The following MAP2K5 variants were observed in gnomAD, a reference collection of about 807,000 sequenced individuals.
The protein encoded by MAP2K5 is mitogen-activated protein kinase kinase 5.
In MAP2K5, 49 loss-of-function variants were observed where a neutral mutation model predicts 83.1. The observed-to-expected ratio is 0.59, with a 90% CI of 0.47 to 0.75. The LOEUF (loss-of-function observed/expected upper bound fraction) is 0.75, where lower values mean the gene tolerates loss of function less well. MAP2K5 is among the 30% of genes least tolerant of loss of function. The probability of loss-of-function intolerance (pLI) is 0.00; values close to 1 mark genes in which losing one functional copy is unlikely to be tolerated. For synonymous variants in MAP2K5, 202 were observed against 191.8 expected (o/e 1.05, Z -0.44); for missense variants, 457 against 557.5 (o/e 0.82, Z 1.82).
In MAP2K5 at chr15:67,630,817, A is replaced by G. The variant is rs2086454770; in HGVS notation, c.546-71A>G. ...CTGCTGCAGAAATGTTTGGATTTAC[A>G]TTTATGTCCTTAACCATTTTGTAGG... On this transcript the variant is annotated intron_variant, in intron 8 of 21. Transcript: ENST00000178640. 3 of 1,108,858 alleles carry G rather than the reference A, an allele frequency of 2.7e-6. No individual in the cohort carries two copies. In the East Asian group the frequency reaches 7.1e-5, roughly 26 times the overall value. The allele number at this position is 1,108,858 out of a possible 1,614,324, so 68.7% of individuals were successfully genotyped here. A position where few individuals can be genotyped will look rare whatever the true frequency, so the allele number is the denominator to read the frequency against.
rs964903803 is a variant in MAP2K5, at chr15:67,713,823, G to T, written c.1044+10415G>T. On this transcript the variant is annotated intron_variant, in intron 16 of 21. Transcript: ENST00000178640. ...AATTTGATGGCGAGTTTGTCATTTT[G>T]TCATTTTCTTTCCAATATCATTTTT... Among the ~76,000 whole-genome samples, 11 of 151,848 alleles carry T rather than the reference G, an allele frequency of 7.2e-5. No homozygotes were observed. The East Asian group carries it at 1.4e-3, about 19-fold the overall frequency.
Position 67,552,102 on chromosome 15 carries a change from T to A in MAP2K5, c.184+2020T>A, listed in dbSNP as rs1352571489. Reference sequence around the variant, plus strand: ...GGGGCGGGAGGGGGTGGATGAATGATCACACTTTTTACTTTGTATGTTTCT... The same window carrying A: ...GGGGCGGGAGGGGGTGGATGAATGAACACACTTTTTACTTTGTATGTTTCT... On this transcript the variant is annotated intron_variant, in intron 2 of 21. Transcript: ENST00000178640. This position sits in a 1 kb window ranked among gnomAD's most constrained non-coding sequence, Gnocchi z 4.2. Among the ~76,000 whole-genome samples the A allele has an allele frequency of 6.6e-6, 1 of 152,178 alleles. No individual in the cohort carries two copies. Among genetic ancestry groups the A allele is most frequent in the Non-Finnish European group, 1.5e-5 (1 of 68,030 alleles).
rs533576681 is a variant in MAP2K5, at chr15:67,805,471, C to T, written c.1243-1175C>T. On this transcript the variant is annotated intron_variant, in intron 21 of 21. Transcript: ENST00000178640. ...GTGATGAGCTCGTGGCGAGGCCATGCGGCTCTTTAAGCAGCCTCTCTAGGG... is the reference window on the plus strand; with the variant it reads ...GTGATGAGCTCGTGGCGAGGCCATGTGGCTCTTTAAGCAGCCTCTCTAGGG... Among the ~76,000 whole-genome samples the T allele has an allele frequency of 3.4e-3, 517 of 152,324 alleles. 4 individuals are homozygous for T. The highest frequency in any genetic ancestry group is 0.012 in the African/African-American group (493 of 41,568).
rs62015212 is a variant in MAP2K5 at position 67,770,720 on chromosome 15, G to A, written c.1196+1057G>A. Among the ~76,000 whole-genome samples, 14,396 of 152,078 alleles carry A rather than the reference G, an allele frequency of 0.095. 795 individuals are homozygous for A. Among genetic ancestry groups the A allele is most frequent in the Admixed American group, 0.11 (1,632 of 15,282 alleles). ...CTTCCCCTCCCACTATGATCTGTCCGATGATTATGCTAAAGGGAAACCAAG... is the reference window on the plus strand; with the variant it reads ...CTTCCCCTCCCACTATGATCTGTCCAATGATTATGCTAAAGGGAAACCAAG... On this transcript the variant is annotated intron_variant, in intron 20 of 21. Transcript: ENST00000178640. This position sits in a 1 kb window ranked among gnomAD's most constrained non-coding sequence, Gnocchi z 5.0.
chr15:67,785,502 C>T lies in MAP2K5; in HGVS notation c.1242+12750C>T, dbSNP rs955840110. On this transcript the variant is annotated intron_variant, in intron 21 of 21. Transcript: ENST00000178640. The surrounding 1 kb of genome is among the most constrained non-coding windows in gnomAD (Gnocchi z 4.4). ...CTATCAGACACTAATCCAGCAAACA[C>T]AAATCCATCATACATGCAAACAAAG... Among the ~76,000 whole-genome samples, 1 of 152,276 alleles carries T rather than the reference C, an allele frequency of 6.6e-6. No individual in the cohort carries two copies. Among genetic ancestry groups the T allele is most frequent in the East Asian group, 1.9e-4 (1 of 5,180 alleles).
At position 67,640,572 on chromosome 15, in the gene MAP2K5, G is replaced by T; in HGVS notation, c.586-5659G>T. On this transcript the variant is annotated intron_variant, in intron 9 of 21. Coordinates refer to ENST00000178640, the MANE Select transcript of MAP2K5 (RefSeq NM_145160.3). This position sits in a 1 kb window ranked among gnomAD's most constrained non-coding sequence, Gnocchi z 4.6. ...TTGTCCAAACTGAATCACCTGCAGG[G>T]TCTGACGCCTGCATGGAATGATGAG... 2.0e-6 allele frequency: 2 copies of T among 985,118 alleles called. No individual in the cohort carries two copies. The highest frequency in any genetic ancestry group is 2.4e-6 in the Non-Finnish European group (2 of 829,720). The allele number at this position is 985,118 out of a possible 1,614,324, so 61.0% of individuals were successfully genotyped here.
At chr15:67,608,820 T>C (rs1464120014) in intron 8 of MAP2K5, among the ~76,000 whole-genome samples, 1 of 152,188 alleles carries the variant, frequency 6.6e-6, no homozygotes, top group Non-Finnish European at 1.5e-5. Flanking sequence ...GAGTGATTAA[T>C]GTACTCTTTC....
intron 13 of MAP2K5, among the ~76,000 whole-genome samples, chr15:67,685,379 TAAAG>T (rs1415152072): frequency 6.6e-6 from 1 of 152,042 alleles, no homozygotes; most frequent in Non-Finnish European, 1.5e-5. Flanking sequence ...AACAGCTAAA[TAAAG>T]ACTTTTTCAG....
At chr15:67,672,171 T>TG (rs1470348129) in intron 13 of MAP2K5, among the ~76,000 whole-genome samples, 1 of 151,502 alleles carries the variant, frequency 6.6e-6, no homozygotes, top group South Asian at 2.1e-4. Flanking sequence ...CCTTTGGGTA[T>TG]ATACCCAGTA....
intron 21 of MAP2K5, among the ~76,000 whole-genome samples, chr15:67,800,193 A>T (rs960778918): frequency 6.6e-6 from 1 of 152,256 alleles, no homozygotes; most frequent in Admixed American, 6.5e-5. Flanking sequence ...TAAATTATTT[A>T]ACGTCTCTAA....
chr15:67,598,827 A>G (rs147498513), intron 7 of MAP2K5, among the ~76,000 whole-genome samples: 1 of 152,294 alleles, frequency 6.6e-6, no homozygotes, highest in Non-Finnish European at 1.5e-5. Context: ...TAGTGCCACA[A>G]ATGCAGAATT....
At position 67,806,688 on chromosome 15, in the gene MAP2K5, G is replaced by A. The variant is rs900952057; in HGVS notation, c.1285G>A (p.Val429Met). ...GCAGTTCAATGATGGAAATGCCGCCGTGGTGTCCATGTGGGTGTGCCGGGC... is the reference window on the plus strand; with the variant it reads ...GCAGTTCAATGATGGAAATGCCGCCATGGTGTCCATGTGGGTGTGCCGGGC... ...IVQFNDGNAA[V>M]VSMWVCRALE... The change falls in exon 22 of 22, where the codon GTG (valine) becomes ATG (methionine). Residue 429 changes from valine to methionine, a missense_variant. By Grantham distance (21) the Val-to-Met change is conservative (BLOSUM62 1). Transcript: ENST00000178640. 6.4e-7 allele frequency: 1 copy of A among 1,551,736 alleles called. No individual in the cohort carries two copies. Among genetic ancestry groups the A allele is most frequent in the Non-Finnish European group, 8.7e-7 (1 of 1,147,464 alleles).
intron 11 of MAP2K5, among the ~76,000 whole-genome samples, chr15:67,647,560 A>G (rs1385518854): frequency 2.1e-4 from 31 of 150,520 alleles, no homozygotes; most frequent in Admixed American, 2.0e-3. Context: ...CAGCATAAGC[A>G]ATATAGTGAG....
chr15:67,806,607 C>G (rs1204354476), intron 21 of MAP2K5, 39 bp from the exon 22 acceptor site: 1 of 1,526,208 alleles, frequency 6.6e-7, no homozygotes, highest in Non-Finnish European at 8.8e-7. Flanking sequence ...CGCGGGAGTC[C>G]GAGGACTGCC....
At position 67,637,505 on chromosome 15, in the gene MAP2K5, A is replaced by G. The variant is rs1278669573; in HGVS notation, c.585+6578A>G. On this transcript the variant is annotated intron_variant, in intron 9 of 21. Transcript: ENST00000178640. This position sits in a 1 kb window ranked among gnomAD's most constrained non-coding sequence, Gnocchi z 4.5. ...TTCCACACTGACTGGTGGGAATACA[A>G]ACTTTTCTTGCCCAGTATTAATCTG... is the stretch of plus-strand genomic sequence containing the variant. Among the ~76,000 whole-genome samples the G allele has an allele frequency of 6.6e-6, 1 of 152,124 alleles. No individual in the cohort carries two copies. The highest frequency in any genetic ancestry group is 1.5e-5 in the Non-Finnish European group (1 of 68,020).
At position 67,720,822 on chromosome 15, in the gene MAP2K5, A is replaced by T. The variant is rs2088942815; in HGVS notation, c.1045-7094A>T. Among the ~76,000 whole-genome samples, 1 of 152,126 alleles carries T rather than the reference A, an allele frequency of 6.6e-6. No homozygotes were observed. Among genetic ancestry groups the T allele is most frequent in the Admixed American group, 6.5e-5 (1 of 15,270 alleles). On this transcript the variant is annotated intron_variant, in intron 16 of 21. Coordinates refer to ENST00000178640, the MANE Select transcript of MAP2K5 (RefSeq NM_145160.3). The surrounding 1 kb of genome is among the most constrained non-coding windows in gnomAD (Gnocchi z 5.7). ...AACTTTGCTGGAGTAATATTCCAGG[A>T]TGATTTATCCTCCTGCTGCACTGGG... is the stretch of plus-strand genomic sequence containing the variant.
rs1567326700 is a variant in MAP2K5, at chr15:67,637,089, C to T, written c.585+6162C>T. Among the ~76,000 whole-genome samples the T allele has an allele frequency of 2.0e-5, 3 of 152,136 alleles. No individual in the cohort carries two copies. The highest frequency in any genetic ancestry group is 4.4e-5 in the Non-Finnish European group (3 of 68,024). ...TCTTGGACCTACACCAGTGATTTGCCGGGGGCTTTCAGGCCTTCAGCTACA... is the reference window on the plus strand; with the variant it reads ...TCTTGGACCTACACCAGTGATTTGCTGGGGGCTTTCAGGCCTTCAGCTACA... On this transcript the variant is annotated intron_variant, in intron 9 of 21. Transcript: ENST00000178640. The surrounding 1 kb of genome is among the most constrained non-coding windows in gnomAD (Gnocchi z 4.5).
In MAP2K5 at chr15:67,775,404, G is replaced by T. The variant is rs142575707; in HGVS notation, c.1242+2652G>T. Among the ~76,000 whole-genome samples the T allele has an allele frequency of 1.7e-4, 26 of 152,336 alleles. 1 individual carries two copies. The East Asian group carries it at 5.0e-3, about 29-fold the overall frequency. ...TTTGGGGAGGCCAGGATACGTTTCA[G>T]CTGCTGTGGTTTTCTGGCATGTAGC... On this transcript the variant is annotated intron_variant, in intron 21 of 21. Coordinates refer to ENST00000178640, the MANE Select transcript of MAP2K5 (RefSeq NM_145160.3). The surrounding 1 kb of genome is among the most constrained non-coding windows in gnomAD (Gnocchi z 5.3).
At chr15:67,627,358 G>A (rs2086349717) in intron 8 of MAP2K5, among the ~76,000 whole-genome samples, 1 of 152,136 alleles carries the variant, frequency 6.6e-6, no homozygotes, top group African/African-American at 2.4e-5. Context: ...GTAAACAGTT[G>A]TCACCCGGTT....
Sources: allele counts gnomAD v4.1 joint callset (sites outside exome capture counted in the v4.1 genomes callset), GRCh38; gene constraint gnomAD v4.1.1; non-coding constraint Gnocchi (gnomAD v3.1); transcripts MANE v1.5; gene names NCBI Gene and HGNC (gene_info 2026-07-23, HGNC 2026-07-21).